AGMO: variants seen among roughly 807,000 people sequenced by gnomAD.
The protein encoded by AGMO is glyceryl-ether monooxygenase.
In AGMO, 75 loss-of-function variants were observed where a neutral mutation model predicts 60.2. That is an observed-to-expected ratio of 1.25 (90% CI 1.03 to 1.51). The LOEUF (loss-of-function observed/expected upper bound fraction) is 1.51, where lower values mean the gene tolerates loss of function less well. AGMO is among the 40% of genes most tolerant of loss of function. The pLI, the probability that AGMO is intolerant of heterozygous loss-of-function variation, is 0.00. For missense variants in AGMO, 763 were observed against 525.5 expected (o/e 1.45, Z -4.42); for synonymous variants, 261 against 177.1 (o/e 1.47, Z -3.76).
At chr7:15,392,717 T>C (rs912742892) in intron 6 of AGMO, among the ~76,000 whole-genome samples, 2 of 152,072 alleles carry the variant, frequency 1.3e-5, no homozygotes, top group African/African-American at 4.8e-5. Flanking sequence ...AAGAATCACT[T>C]GAACCCGGTA....
intron 2 of AGMO, among the ~76,000 whole-genome samples, chr7:15,550,364 T>C (rs1472124883): frequency 1.3e-5 from 2 of 151,884 alleles, no homozygotes; most frequent in East Asian, 1.9e-4. Context: ...TTCAAAAAAT[T>C]AATGAATCCA....
At chr7:15,433,475 T>C (rs1163931673) in intron 3 of AGMO, among the ~76,000 whole-genome samples, 1 of 152,106 alleles carries the variant, frequency 6.6e-6, no homozygotes, top group Non-Finnish European at 1.5e-5. Flanking sequence ...TCACAGTCTA[T>C]ATTCAGCTTA....
intron 3 of AGMO, among the ~76,000 whole-genome samples, chr7:15,476,204 G>A (rs999959414): frequency 1.3e-5 from 2 of 152,192 alleles, no homozygotes; most frequent in East Asian, 3.9e-4. Flanking sequence ...CTTGCTGCTC[G>A]AGTAAGCAGA....
chr7:15,430,717 T>G (rs1317804321), intron 4 of AGMO, among the ~76,000 whole-genome samples: 1 of 151,184 alleles, frequency 6.6e-6, no homozygotes, highest in African/African-American at 2.4e-5. Context: ...TACATCACCC[T>G]CCTGGGTTAC....
intron 12 of AGMO, among the ~76,000 whole-genome samples, chr7:15,266,432 G>T (rs945959694): frequency 6.6e-6 from 1 of 151,972 alleles, no homozygotes; most frequent in Admixed American, 6.6e-5. Flanking sequence ...ACTTCAAAGG[G>T]CTCATGTGAA....
At chr7:15,117,742 A>G in the AGMO span, among the ~76,000 whole-genome samples, 1 of 152,072 alleles carries the variant, frequency 6.6e-6, no homozygotes, top group Non-Finnish European at 1.5e-5. Flanking sequence ...TTTCTTATCT[A>G]CTGTTACGTC....
At chr7:15,368,931 C>T (rs558388717) in intron 10 of AGMO, among the ~76,000 whole-genome samples, 4 of 152,162 alleles carry the variant, frequency 2.6e-5, no homozygotes, top group Non-Finnish European at 4.4e-5. Flanking sequence ...AACTGGTGAA[C>T]GGGCAACTGA....
At chr7:15,424,734 A>G (rs1781011972) in intron 4 of AGMO, among the ~76,000 whole-genome samples, 1 of 152,174 alleles carries the variant, frequency 6.6e-6, no homozygotes, top group Admixed American at 6.5e-5. Context: ...TGAAGAAGGA[A>G]TGCCTTGGAG....
At chr7:15,176,717 A>T in the AGMO span, among the ~76,000 whole-genome samples, 5 of 151,984 alleles carry the variant, frequency 3.3e-5, no homozygotes, top group Non-Finnish European at 7.4e-5. Context: ...GCAAATTTCA[A>T]GTAAACAATA....
At chr7:15,222,033 CTTTAATATAATCGTGCAGTT>C (rs1335928345) in intron 12 of AGMO, among the ~76,000 whole-genome samples, 2 of 152,016 alleles carry the variant, frequency 1.3e-5, no homozygotes, top group Non-Finnish European at 2.9e-5. Context: ...GAGAGTAAAA[CTTTAATATAATCGTGCAGTT>C]TTCCTTTGAA....
chr7:15,234,674 A>G (rs553666556), intron 12 of AGMO, among the ~76,000 whole-genome samples: 2 of 152,344 alleles, frequency 1.3e-5, no homozygotes, highest in South Asian at 4.1e-4. Context: ...TCTTGGTCAC[A>G]ACTACTCAAC....
chr7:15,394,837 C>T (rs1784305119), intron 5 of AGMO, among the ~76,000 whole-genome samples: 1 of 152,240 alleles, frequency 6.6e-6, no homozygotes, highest in Middle Eastern at 3.4e-3. Flanking sequence ...CATGGTCTAC[C>T]ATTACATCTT....
intron 12 of AGMO, among the ~76,000 whole-genome samples, chr7:15,251,873 G>A (rs1171170441): frequency 1.3e-5 from 2 of 152,192 alleles, no homozygotes; most frequent in African/African-American, 4.8e-5. Context: ...ATAACTTTCA[G>A]TGTTCCTTGC....
chr7:15,437,354 C>A (rs1259566051), intron 3 of AGMO, among the ~76,000 whole-genome samples: 4 of 152,040 alleles, frequency 2.6e-5, no homozygotes, highest in African/African-American at 9.7e-5. Context: ...TCTATCCTTG[C>A]TCACTTAATA....
intron 2 of AGMO, among the ~76,000 whole-genome samples, chr7:15,546,635 A>G (rs2115284970): frequency 6.6e-6 from 1 of 152,348 alleles, no homozygotes; most frequent in East Asian, 1.9e-4. Context: ...GTCCACACAC[A>G]GGTGTGTGAG....
the AGMO span, among the ~76,000 whole-genome samples, chr7:15,136,067 T>G: frequency 4.0e-5 from 6 of 150,436 alleles, no homozygotes; most frequent in Non-Finnish European, 7.4e-5. Context: ...GATCTCAGTT[T>G]ACTGCAACCT....
chr7:15,354,383 CGTGTGTGTAT>C (rs1428540558), intron 12 of AGMO, among the ~76,000 whole-genome samples: 7 of 12,098 alleles, frequency 5.8e-4, no homozygotes, highest in African/African-American at 2.4e-3. Context: ...TGTGTATACA[CGTGTGTGTAT>C]ACACGTGTGT....
intron 3 of AGMO, among the ~76,000 whole-genome samples, chr7:15,489,669 T>G (rs1372288505): frequency 6.6e-6 from 1 of 152,206 alleles, no homozygotes. Context: ...TAACAACCAG[T>G]GCACACACAA....
chr7:15,187,964 G>A, the AGMO span, among the ~76,000 whole-genome samples: 7 of 151,968 alleles, frequency 4.6e-5, no homozygotes, highest in Non-Finnish European at 8.8e-5. Context: ...AATCTTAACA[G>A]TGCTCAACTG....
Sources: allele counts gnomAD v4.1 joint callset (sites outside exome capture counted in the v4.1 genomes callset), GRCh38; gene constraint gnomAD v4.1.1; transcripts MANE v1.5; gene names NCBI Gene and HGNC (gene_info 2026-07-23, HGNC 2026-07-21).